Variants in ALDH1A2 observed in about 807,000 individuals in gnomAD.
The protein encoded by ALDH1A2 is retinal dehydrogenase 2.
Under a neutral mutation model 60.3 loss-of-function variants are expected in ALDH1A2, and 27 were observed. That is an observed-to-expected ratio of 0.45 (90% CI 0.33 to 0.62). The LOEUF (loss-of-function observed/expected upper bound fraction) is 0.62, where lower values mean the gene tolerates loss of function less well. ALDH1A2 is among the 20% of genes least tolerant of loss of function. The pLI is 0.02. For synonymous variants in ALDH1A2, 289 were observed against 232.4 expected (o/e 1.24, Z -2.21); for missense variants, 581 against 643.8 (o/e 0.90, Z 1.06).
intron 1 of ALDH1A2, among the ~76,000 whole-genome samples, chr15:58,028,662 C>A (rs573499861): frequency 2.5e-4 from 38 of 152,208 alleles, no homozygotes; most frequent in African/African-American, 9.1e-4. Context: ...CTGATCTCAA[C>A]TGCAGAGACA....
At chr15:57,968,953 C>A (rs555454437) in intron 7 of ALDH1A2, among the ~76,000 whole-genome samples, 1 of 152,340 alleles carries the variant, frequency 6.6e-6, no homozygotes, top group East Asian at 1.9e-4. Flanking sequence ...GCTTTACCAG[C>A]CTTTCCTTAG....
intron 9 of ALDH1A2, among the ~76,000 whole-genome samples, chr15:57,963,402 G>C (rs1269013537): frequency 6.7e-6 from 1 of 149,854 alleles, no homozygotes; most frequent in Non-Finnish European, 1.5e-5. Context: ...CTGGTGGAGT[G>C]CAGTGGCACA....
intron 1 of ALDH1A2, among the ~76,000 whole-genome samples, chr15:58,019,464 T>G (rs1895867048): frequency 6.6e-6 from 1 of 152,224 alleles, no homozygotes; most frequent in Non-Finnish European, 1.5e-5. Context: ...CAGAGGTCTT[T>G]GAAAGTAGAA....
chr15:57,984,325 G>C (rs1275371869), intron 7 of ALDH1A2, among the ~76,000 whole-genome samples: 1 of 152,044 alleles, frequency 6.6e-6, no homozygotes, highest in Non-Finnish European at 1.5e-5. Flanking sequence ...TATCCAAAAT[G>C]TAAAGCCTTT....
rs145595206 is a variant in ALDH1A2, at chr15:57,997,146, G to C, written c.494-2007C>G. On this transcript the variant is annotated intron_variant, in intron 4 of 12. Coordinates refer to ENST00000249750, the MANE Select transcript of ALDH1A2 (RefSeq NM_003888.4). ...ATCTATTACGAGAAAAAATAGCGAA[G>C]ATGTTGCAACTGTCCATAGGATGAC... is the stretch of plus-strand genomic sequence containing the variant. Among the ~76,000 whole-genome samples, 1,209 of 152,130 alleles carry C rather than the reference G, an allele frequency of 7.9e-3. 13 individuals carry two copies. Among genetic ancestry groups the C allele is most frequent in the African/African-American group, 0.028 (1,173 of 41,536 alleles).
intron 1 of ALDH1A2, among the ~76,000 whole-genome samples, chr15:58,060,612 GTC>G (rs1238094453): frequency 1.3e-5 from 2 of 151,746 alleles, no homozygotes; most frequent in Non-Finnish European, 2.9e-5. Context: ...TTAACTCAGA[GTC>G]TCTCTTTTTC....
At chr15:57,997,443 G>C (rs1265678181) in intron 4 of ALDH1A2, among the ~76,000 whole-genome samples, 1 of 151,938 alleles carries the variant, frequency 6.6e-6, no homozygotes, top group African/African-American at 2.4e-5. Context: ...CAGAATCAGA[G>C]AGTAATGTCA....
chr15:57,963,966 C>G lies in ALDH1A2; in HGVS notation c.1005G>C (p.Glu335Asp). The stretch of plus-strand genomic sequence containing the variant: ...CCCGCTCCACGCTTCTTCTCACAAA[C>G]TCCTCATAGATGGACTCCTCCACGA... ...RIFVEESIYE[E>D]FVRRSVERAK... Residue 335 changes from glutamate (E) to aspartate (D), a missense_variant, in exon 9 of 13, where the codon GAG becomes GAC. Physicochemically the swap from Glu to Asp is conservative, Grantham distance 45 (BLOSUM62 2). Coordinates refer to ENST00000249750, the MANE Select transcript of ALDH1A2 (RefSeq NM_003888.4). 6.2e-7 allele frequency: 1 copy of G among 1,614,180 alleles called. No homozygotes were observed. Among genetic ancestry groups the G allele is most frequent in the Non-Finnish European group, 8.5e-7 (1 of 1,180,014 alleles).
rs138756274 is a variant in ALDH1A2 at position 57,990,236 on chromosome 15, T to C, written c.798+2469A>G. On this transcript the variant is annotated intron_variant, in intron 7 of 12. Transcript: ENST00000249750. ...CTTCTTGGTAAGCAAGTTGTAAATA[T>C]GTTTTTATTTTGCAATTCCACTTCT... 3 of 152,364 alleles carry C rather than the reference T, an allele frequency of 2.0e-5. No homozygotes were observed. In the East Asian group the frequency reaches 5.8e-4, roughly 29 times the overall value. 9.4% of individuals were successfully genotyped at this position (152,364 alleles called of 1,614,324 possible).
chr15:57,991,171 T>C (rs887361586), intron 7 of ALDH1A2, among the ~76,000 whole-genome samples: 1 of 152,208 alleles, frequency 6.6e-6, no homozygotes, highest in African/African-American at 2.4e-5. Flanking sequence ...TCTAGGTTTA[T>C]ATTTTTCCCC....
chr15:57,996,050 G>C (rs1322552565), intron 4 of ALDH1A2, among the ~76,000 whole-genome samples: 20 of 151,928 alleles, frequency 1.3e-4, no homozygotes, highest in Admixed American at 9.2e-4. Flanking sequence ...ACTGATACTT[G>C]TTTTCTCTCT....
At chr15:58,015,443 T>C (rs1481963217) in intron 1 of ALDH1A2, among the ~76,000 whole-genome samples, 1 of 152,180 alleles carries the variant, frequency 6.6e-6, no homozygotes, top group Non-Finnish European at 1.5e-5. Flanking sequence ...TAAAGGAAAA[T>C]ACCTTAAATT....
intron 1 of ALDH1A2, among the ~76,000 whole-genome samples, chr15:58,043,353 G>A (rs75684300): frequency 6.6e-6 from 1 of 151,916 alleles, no homozygotes. Flanking sequence ...TACAACCCTT[G>A]AGTTCTAATA....
chr15:58,014,453 C>A, intron 1 of ALDH1A2, 172 bp from the exon 2 acceptor site: 1 of 675,486 alleles, frequency 1.5e-6, no homozygotes, highest in Non-Finnish European at 2.7e-6. Context: ...GGAATTTCCT[C>A]TATATTTTTG....
intron 1 of ALDH1A2, among the ~76,000 whole-genome samples, chr15:58,025,634 G>A (rs1896059630): frequency 6.6e-6 from 1 of 152,126 alleles, no homozygotes; most frequent in Non-Finnish European, 1.5e-5. Context: ...CAAACAGGAG[G>A]AATGTGTTAG....
At chr15:58,025,131 A>C (rs1896044628) in intron 1 of ALDH1A2, among the ~76,000 whole-genome samples, 1 of 152,120 alleles carries the variant, frequency 6.6e-6, no homozygotes, top group East Asian at 1.9e-4. Flanking sequence ...GAGAAACTAG[A>C]AAAACGCGAA....
At chr15:58,036,385 T>C (rs151128013) in intron 1 of ALDH1A2, among the ~76,000 whole-genome samples, 106 of 151,716 alleles carry the variant, frequency 7.0e-4, no homozygotes, top group Middle Eastern at 3.4e-3. Flanking sequence ...GGCAGCAACT[T>C]TTGGCAGCAA....
intron 1 of ALDH1A2, among the ~76,000 whole-genome samples, chr15:58,048,484 GT>G (rs1219028206): frequency 6.6e-6 from 1 of 152,116 alleles, no homozygotes; most frequent in African/African-American, 2.4e-5. Flanking sequence ...CCAGAGGACA[GT>G]TTGGTCAGCC....
intron 1 of ALDH1A2, among the ~76,000 whole-genome samples, chr15:58,027,297 G>C (rs796114999): frequency 6.6e-6 from 1 of 152,162 alleles, no homozygotes; most frequent in Non-Finnish European, 1.5e-5. Context: ...TGCAGCTGAG[G>C]GGCCTGACTG....
Sources: allele counts gnomAD v4.1 joint callset (sites outside exome capture counted in the v4.1 genomes callset), GRCh38; gene constraint gnomAD v4.1.1; transcripts MANE v1.5; gene names NCBI Gene and HGNC (gene_info 2026-07-23, HGNC 2026-07-21).